Variants in TDRP observed in about 807,000 individuals in gnomAD.
TDRP encodes the protein testis development related protein.
A neutral mutation model predicts 10.5 loss-of-function variants in TDRP; 12 were observed. That is an observed-to-expected ratio of 1.15 (90% CI 0.73 to 1.86). The LOEUF (loss-of-function observed/expected upper bound fraction) is 1.86. Ranked by LOEUF, TDRP falls within the 40% of genes most tolerant of loss-of-function variation. The pLI is 0.00. For synonymous variants in TDRP, 139 were observed against 95.4 expected (o/e 1.46, Z -2.67); for missense variants, 353 against 229.2 (o/e 1.54, Z -3.49).
chr8:505,662 C>T (rs1312155607), intron 1 of TDRP, among the ~76,000 whole-genome samples: 1 of 152,180 alleles, frequency 6.6e-6, no homozygotes, highest in Non-Finnish European at 1.5e-5. Flanking sequence ...GAAACCAATG[C>T]CATCTGTCAG....
intron 1 of TDRP, among the ~76,000 whole-genome samples, chr8:532,110 C>T (rs1337715530): frequency 6.6e-6 from 1 of 152,214 alleles, no homozygotes; most frequent in Non-Finnish European, 1.5e-5. Context: ...AATTCCTCTG[C>T]CACCTCTGGA....
chr8:501,023 G>A (rs56393005), intron 1 of TDRP, among the ~76,000 whole-genome samples: 11,029 of 152,110 alleles, frequency 0.073, 430 homozygotes, highest in South Asian at 0.11. Context: ...TGGCTAACAC[G>A]GTGAAACCCC....
At chr8:530,081 A>G (rs1055470955) in intron 1 of TDRP, among the ~76,000 whole-genome samples, 1 of 152,016 alleles carries the variant, frequency 6.6e-6, no homozygotes, top group African/African-American at 2.4e-5. Context: ...GATTTGATGA[A>G]TTTAAATGAG....
chr8:542,771 G>A (rs1319768422), intron 1 of TDRP, among the ~76,000 whole-genome samples: 2 of 150,282 alleles, frequency 1.3e-5, no homozygotes, highest in East Asian at 2.0e-4. Flanking sequence ...GCTGAGGCAG[G>A]AGAATCACTT....
At chr8:502,471 GGCT>G (rs1173394346) in intron 1 of TDRP, among the ~76,000 whole-genome samples, 1 of 152,188 alleles carries the variant, frequency 6.6e-6, no homozygotes, top group African/African-American at 2.4e-5. Context: ...CCACCAGAGG[GGCT>G]GCTGATCTGA....
chr8:529,627 C>T (rs1395464500), intron 1 of TDRP, among the ~76,000 whole-genome samples: 1 of 152,098 alleles, frequency 6.6e-6, no homozygotes, highest in Non-Finnish European at 1.5e-5. Flanking sequence ...GATGGTTTTG[C>T]CAGCTACAGT....
In TDRP at chr8:520,407, C is replaced by T. The variant is rs183630103; in HGVS notation, c.108+24243G>A. Among the ~76,000 whole-genome samples, 360 of 152,258 alleles carry T rather than the reference C, an allele frequency of 2.4e-3. 2 individuals carry two copies. The highest frequency in any genetic ancestry group is 8.1e-3 in the African/African-American group (336 of 41,546). ...TTATTATAAGTGGTGCTGTAATGAA[C>T]ATGGGTGTGCAAATCTCTTTGAGAT... On this transcript the variant is annotated intron_variant, in intron 1 of 2. Transcript: ENST00000324079.
intron 1 of TDRP, among the ~76,000 whole-genome samples, chr8:514,237 GC>G (rs1289993599): frequency 6.6e-6 from 1 of 152,218 alleles, no homozygotes; most frequent in African/African-American, 2.4e-5. Context: ...GCACATCAAT[GC>G]AATCAGTGGC....
chr8:492,961 G>C (rs1801023058), intron 2 of TDRP, among the ~76,000 whole-genome samples: 1 of 152,108 alleles, frequency 6.6e-6, no homozygotes, highest in African/African-American at 2.4e-5. Context: ...GACACCACTT[G>C]GCAATACATA....
At chr8:509,158 G>C (rs1337135703) in intron 1 of TDRP, among the ~76,000 whole-genome samples, 1 of 152,228 alleles carries the variant, frequency 6.6e-6, no homozygotes, top group Non-Finnish European at 1.5e-5. Flanking sequence ...TTCATGGCTG[G>C]TATTGAGTGT....
At chr8:519,113 C>CAAAG (rs1801830808) in intron 1 of TDRP, among the ~76,000 whole-genome samples, 1 of 152,090 alleles carries the variant, frequency 6.6e-6, no homozygotes, top group African/African-American at 2.4e-5. Context: ...CACCAATGGC[C>CAAAG]AAAGATTTAA....
intron 1 of TDRP, among the ~76,000 whole-genome samples, chr8:542,801 G>A (rs1020354627): frequency 6.8e-6 from 1 of 147,634 alleles, no homozygotes; most frequent in Non-Finnish European, 1.5e-5. Context: ...AGGGTGCAGT[G>A]AGCTGAGATC....
intron 1 of TDRP, among the ~76,000 whole-genome samples, chr8:542,566 T>C (rs529041930): frequency 6.6e-6 from 1 of 152,248 alleles, no homozygotes; most frequent in South Asian, 2.1e-4. Flanking sequence ...ACACACACTT[T>C]AGATGTACAG....
At position 492,234 on chromosome 8, in the gene TDRP, C is replaced by G; in HGVS notation, c.*165G>C. The G allele has an allele frequency of 7.7e-7, 1 of 1,300,382 alleles. No homozygotes were observed. Among genetic ancestry groups the G allele is most frequent in the Non-Finnish European group, 9.7e-7 (1 of 1,028,344 alleles). The allele number at this position is 1,300,382 out of a possible 1,614,324, so 80.6% of individuals were successfully genotyped here. On this transcript the variant is annotated 3_prime_UTR_variant, in exon 3 of 3. Coordinates refer to ENST00000324079, the MANE Select transcript of TDRP (RefSeq NM_001384899.1). ...TCCCTGCACGTGTTCACCAAGGAGT[C>G]ACAGTGTGTGTGAGAGTTCATTAAA...
intron 1 of TDRP, among the ~76,000 whole-genome samples, chr8:535,822 C>T (rs1341210541): frequency 6.6e-6 from 1 of 151,692 alleles, no homozygotes; most frequent in Non-Finnish European, 1.5e-5. Context: ...CCACCCGAGG[C>T]AGGTCTCAGC....
intron 1 of TDRP, among the ~76,000 whole-genome samples, chr8:525,296 T>G (rs892114445): frequency 5.3e-5 from 8 of 151,958 alleles, no homozygotes. Context: ...AGATCTGTCC[T>G]ACAAGAAATG....
intron 1 of TDRP, among the ~76,000 whole-genome samples, chr8:501,004 A>T (rs574609242): frequency 6.6e-6 from 1 of 152,144 alleles, no homozygotes; most frequent in Non-Finnish European, 1.5e-5. Context: ...CAGGAGATCG[A>T]GACCATCCTG....
intron 1 of TDRP, among the ~76,000 whole-genome samples, chr8:531,590 G>A (rs922340718): frequency 3.3e-5 from 5 of 152,200 alleles, no homozygotes; most frequent in African/African-American, 1.2e-4. Context: ...CGACAAAAAT[G>A]AAAAGGCGTA....
chr8:512,706 G>A (rs912880320), intron 1 of TDRP, among the ~76,000 whole-genome samples: 1 of 152,138 alleles, frequency 6.6e-6, no homozygotes, highest in Non-Finnish European at 1.5e-5. Flanking sequence ...AGGTGCAGTG[G>A]TCTCATGCCT....
Sources: allele counts gnomAD v4.1 joint callset (sites outside exome capture counted in the v4.1 genomes callset), GRCh38; gene constraint gnomAD v4.1.1; transcripts MANE v1.5; gene names NCBI Gene and HGNC (gene_info 2026-07-23, HGNC 2026-07-21).